SVEP1: variants seen among roughly 807,000 people sequenced by gnomAD.
SVEP1 encodes sushi, von Willebrand factor type A, EGF and pentraxin domain containing 1, also known as sushi, von Willebrand factor type A, EGF and pentraxin domain-containing protein 1.
A neutral mutation model predicts 367.3 loss-of-function variants in SVEP1; 164 were observed. The observed-to-expected ratio is 0.45, with a 90% CI of 0.39 to 0.51. SVEP1 has a LOEUF of 0.51. Ranked by LOEUF, SVEP1 falls within the 20% of genes least tolerant of loss-of-function variation. The probability of loss-of-function intolerance (pLI) is 0.00; values close to 1 mark genes in which losing one functional copy is unlikely to be tolerated. For synonymous variants in SVEP1, 1,666 were observed against 1,611.6 expected (o/e 1.03, Z -0.81); for missense variants, 4,117 against 4,425.3 (o/e 0.93, Z 1.98).
intron 38 of SVEP1, among the ~76,000 whole-genome samples, 191 bp downstream of exon 38, chr9:110,405,969 C>T (rs1045736678): frequency 1.3e-5 from 2 of 152,034 alleles, no homozygotes; most frequent in East Asian, 1.9e-4. Context: ...AAAAAAGTAT[C>T]GATTTATTTT....
intron 26 of SVEP1, among the ~76,000 whole-genome samples, chr9:110,445,241 C>T (rs899300382): frequency 2.6e-5 from 4 of 152,190 alleles, no homozygotes; most frequent in African/African-American, 9.6e-5. Context: ...CTGCTCAAGT[C>T]CGTGGCTCTT....
At chr9:110,570,399 T>C (rs1045455123) in intron 1 of SVEP1, among the ~76,000 whole-genome samples, 1 of 152,130 alleles carries the variant, frequency 6.6e-6, no homozygotes, top group African/African-American at 2.4e-5. Flanking sequence ...ATCTTTTATT[T>C]GTGAGTGAAT....
At chr9:110,550,325 C>T (rs377530964) in intron 1 of SVEP1, among the ~76,000 whole-genome samples, 7 of 152,146 alleles carry the variant, frequency 4.6e-5, no homozygotes, top group Admixed American at 3.3e-4. Context: ...AAACTATCAT[C>T]CTCATCAACA....
In SVEP1 at chr9:110,443,570, G is replaced by A. The variant is rs1367752993; in HGVS notation, c.4614C>T (p.Gly1538=). ...CAGGTATGGGCAAACCAACAGAGAG[G>A]CCAGCACCACCGTCAGATAATTTCC... ...IDGKLSDGGA[G]LSVGLPIPGG... The change falls in exon 27 of 48, where the codon GGC becomes GGT. Residue 1538 remains glycine (G), a synonymous_variant. Transcript: ENST00000374469. 2 of 1,610,306 alleles carry A rather than the reference G, an allele frequency of 1.2e-6. No individual in the cohort carries two copies. Among genetic ancestry groups the A allele is most frequent in the Non-Finnish European group, 1.7e-6 (2 of 1,178,354 alleles).
intron 3 of SVEP1, among the ~76,000 whole-genome samples, chr9:110,515,081 C>T (rs914566770): frequency 6.6e-6 from 1 of 152,170 alleles, no homozygotes; most frequent in Non-Finnish European, 1.5e-5. Flanking sequence ...CAAATCTTTC[C>T]TCTGCACAGA....
At chr9:110,389,078 G>T (rs530553500) in intron 41 of SVEP1, among the ~76,000 whole-genome samples, 1 of 152,112 alleles carries the variant, frequency 6.6e-6, no homozygotes. Context: ...AAATAAACTT[G>T]GTTGTTCTCA....
intron 40 of SVEP1, among the ~76,000 whole-genome samples, chr9:110,393,803 C>T (rs1827708872): frequency 6.6e-6 from 1 of 152,194 alleles, no homozygotes; most frequent in Non-Finnish European, 1.5e-5. Context: ...AGCAGCGAGG[C>T]TGGGGGAGGG....
rs1248183057 is a variant in SVEP1, at chr9:110,411,599, G to C, written c.6112C>G (p.Leu2038Val). 1 of 1,613,852 alleles carries C rather than the reference G, an allele frequency of 6.2e-7. No individual in the cohort carries two copies. Among genetic ancestry groups the C allele is most frequent in the Non-Finnish European group, 8.5e-7 (1 of 1,179,868 alleles). Residue 2038 changes from leucine to valine, a missense_variant, in exon 37 of 48, where the codon CTC becomes GTC. Coordinates refer to ENST00000374469, the MANE Select transcript of SVEP1 (RefSeq NM_153366.4). ...TAGTAGAATGCAATGTCTCCAAAGA[G>C]CCGATGGGCAGTCTCTGGAGAGGCG... ...DHASPETAHRLFGDIAFYYCS... is the reference protein window; with the variant it reads ...DHASPETAHRVFGDIAFYYCS...
chr9:110,451,156 GACTTTCTCTT>G, intron 23 of SVEP1, 123 bp downstream of exon 23: 1 of 677,056 alleles, frequency 1.5e-6, no homozygotes, highest in African/African-American at 1.8e-5. Flanking sequence ...AGAAAATGAG[GACTTTCTCTT>G]ACATAATCAC....
chr9:110,374,118 C>T (rs1827316007), intron 46 of SVEP1, among the ~76,000 whole-genome samples: 1 of 151,994 alleles, frequency 6.6e-6, no homozygotes, highest in South Asian at 2.1e-4. Flanking sequence ...GCCTAGTTCC[C>T]AATAGTTATT....
At chr9:110,433,465 C>CTTT (rs11300153) in intron 30 of SVEP1, among the ~76,000 whole-genome samples, 6 of 120,038 alleles carry the variant, frequency 5.0e-5, no homozygotes, top group African/African-American at 1.8e-4. Flanking sequence ...TTTTGTATTA[C>CTTT]TTTTTTTTTT....
chr9:110,499,115 G>C lies in SVEP1; in HGVS notation c.1607C>G (p.Ser536Cys), dbSNP rs1285189708. ...ACATCTCAGCATTTCTTTGACTCCA[G>C]ATAAAATGAACCCTTGGCGGCAACT... ...YVSCRQGFIL[S>C]GVKEMLRCTT... Residue 536 changes from serine (S) to cysteine (C), a missense_variant, in exon 7 of 48, where the codon TCT becomes TGT. Coordinates refer to ENST00000374469, the MANE Select transcript of SVEP1 (RefSeq NM_153366.4). 7 of 1,613,604 alleles carry C rather than the reference G, an allele frequency of 4.3e-6. No individual in the cohort carries two copies. The Admixed American group carries it at 1.2e-4, about 27-fold the overall frequency.
intron 35 of SVEP1, among the ~76,000 whole-genome samples, chr9:110,428,726 A>G (rs1828300143): frequency 6.6e-6 from 1 of 152,026 alleles, no homozygotes; most frequent in Non-Finnish European, 1.5e-5. Context: ...GAACATCCTC[A>G]TATTTATAAA....
At position 110,408,544 on chromosome 9, in the gene SVEP1, C is replaced by A. The variant is rs772156091; in HGVS notation, c.7056G>T (p.Gly2352=). 3 of 1,613,878 alleles carry A rather than the reference C, an allele frequency of 1.9e-6. No homozygotes were observed. The Admixed American group carries it at 5.0e-5, about 27-fold the overall frequency. Residue 2352 remains glycine, a synonymous_variant, in exon 38 of 48, where the codon GGG becomes GGT. Transcript: ENST00000374469. ...VGVVTFSCKE[G]HVLQGPSVLK... is the part of the protein sequence containing the mutation. ...GGACAGAGGGGCCTTGCAGGACATG[C>A]CCTTCTTTACAGGAAAATGTCACAA...
chr9:110,445,695 G>C, intron 26 of SVEP1, 142 bp downstream of exon 26: 1 of 838,662 alleles, frequency 1.2e-6, no homozygotes, highest in Non-Finnish European at 1.9e-6. Context: ...AACTTGTTCA[G>C]ATGCTCCATT....
chr9:110,504,933 G>A (rs190434645), intron 5 of SVEP1, among the ~76,000 whole-genome samples: 2 of 152,048 alleles, frequency 1.3e-5, no homozygotes, highest in East Asian at 1.9e-4. Context: ...ACATTTCCCC[G>A]GCCAGAGAAG....
chr9:110,536,446 C>T (rs566032628), intron 3 of SVEP1, among the ~76,000 whole-genome samples: 1 of 152,048 alleles, frequency 6.6e-6, no homozygotes, highest in South Asian at 2.1e-4. Context: ...ATGTCACATG[C>T]ATCATTTTAA....
intron 40 of SVEP1, among the ~76,000 whole-genome samples, chr9:110,390,497 T>C (rs1270435275): frequency 6.6e-6 from 1 of 151,006 alleles, no homozygotes; most frequent in Non-Finnish European, 1.5e-5. Context: ...TATACAATTA[T>C]GATTTGACAA....
rs1303039018 is a variant in SVEP1 at position 110,411,163 on chromosome 9, T to C, written c.6548A>G (p.Lys2183Arg). The C allele has an allele frequency of 6.2e-7, 1 of 1,614,028 alleles. No individual in the cohort carries two copies. Among genetic ancestry groups the C allele is most frequent in the Non-Finnish European group, 8.5e-7 (1 of 1,179,892 alleles). The change falls in exon 37 of 48, where the codon AAG (lysine) becomes AGG (arginine). Residue 2183 changes from lysine to arginine, a missense_variant. Lys to Arg is a conservative substitution (Grantham distance 26). This residue lies in a region of SVEP1 where 1,765 missense variants were observed against 1,781.1 expected (regional missense o/e 0.99). Transcript: ENST00000374469. ...NKGFYIKGEK[K>R]STCEATGQWS... ...CTGCCCTGTGGCTTCGCAGGTGCTC[T>C]TCTTTTCCCCTTTGATGTAGAACCC...
Sources: gnomAD v4.1 joint callset for allele counts (sites outside exome capture counted in the v4.1 genomes callset) on GRCh38, gnomAD v4.1.1 for gene constraint, gnomAD v4.1.1 regional missense constraint, MANE v1.5 for transcripts, NCBI Gene and HGNC (gene_info 2026-07-23, HGNC 2026-07-21) for gene names.